The following C1orf141 variants were observed in gnomAD, a reference collection of about 807,000 sequenced individuals.
The protein encoded by C1orf141 is uncharacterized protein C1orf141.
C1orf141 carries 19 observed loss-of-function variants against 23.2 expected under a neutral mutation model. That is an observed-to-expected ratio of 0.82 (90% confidence interval 0.57 to 1.20). C1orf141 has a LOEUF of 1.20. C1orf141 is among the 50% of genes most tolerant of loss of function. The pLI is 0.00. For missense variants in C1orf141, 469 were observed against 455.1 expected (o/e 1.03, Z -0.28); for synonymous variants, 153 against 154.6 (o/e 0.99, Z 0.08).
At chr1:67,109,143 C>T (rs539926878) in intron 5 of C1orf141, among the ~76,000 whole-genome samples, 33 of 151,948 alleles carry the variant, frequency 2.2e-4, no homozygotes, top group African/African-American at 8.0e-4. Context: ...CTGGCTAACA[C>T]GGTGAAACCC....
At chr1:67,128,353 CTTTA>C (rs142954688) in intron 2 of C1orf141, among the ~76,000 whole-genome samples, 11,160 of 147,232 alleles carry the variant, frequency 0.076, 556 homozygotes, top group Non-Finnish European at 0.1. Context: ...CCAAAGCTCC[CTTTA>C]TTTATTTATT....
At chr1:67,136,213 A>G (rs1002253153), upstream of C1orf141, among the ~76,000 whole-genome samples, 1 of 151,814 alleles carries the variant, frequency 6.6e-6, no homozygotes, top group Non-Finnish European at 1.5e-5. Flanking sequence ...TTTTATTTTT[A>G]TTTTTTTGTA....
At chr1:67,125,648 A>G in intron 4 of C1orf141, 104 bp downstream of exon 4, 1 of 1,113,936 alleles carries the variant, frequency 9.0e-7, no homozygotes, top group Non-Finnish European at 1.4e-6. Flanking sequence ...GCAGTGAGCC[A>G]TGTTTGCACC....
At chr1:67,120,643 C>G (rs1646280035) in intron 4 of C1orf141, among the ~76,000 whole-genome samples, 1 of 152,138 alleles carries the variant, frequency 6.6e-6, no homozygotes, top group Non-Finnish European at 1.5e-5. Context: ...GTCTCTTTCT[C>G]TCTGCCATGT....
intron 5 of C1orf141, among the ~76,000 whole-genome samples, chr1:67,100,317 A>G (rs1645769438): frequency 6.6e-6 from 1 of 152,148 alleles, no homozygotes; most frequent in African/African-American, 2.4e-5. Context: ...CGTTGTATAT[A>G]TTCCTACACC....
chr1:67,125,167 C>T (rs569915378), intron 4 of C1orf141, among the ~76,000 whole-genome samples: 2 of 152,248 alleles, frequency 1.3e-5, no homozygotes, highest in East Asian at 3.9e-4. Flanking sequence ...GCAATAAATC[C>T]TGACATTAAT....
At chr1:67,111,670 C>G in intron 5 of C1orf141, 1 of 1,147,514 alleles carries the variant, frequency 8.7e-7, no homozygotes, top group Non-Finnish European at 1.2e-6. Context: ...TAAGTATTTC[C>G]ATGCTATTAA....
Position 67,103,318 on chromosome 1 carries a change from A to G in C1orf141, c.347-6997T>C, listed in dbSNP as rs201030402. On this transcript the variant is annotated intron_variant, in intron 5 of 7. Coordinates refer to ENST00000684719, the MANE Select transcript of C1orf141 (RefSeq NM_001276351.2). Reference sequence around the variant, plus strand: ...CATAGGAGAAAAGTCTGTAGAACCCAGTGATCTTCTACATGCTTGTCTATG... The same window carrying G: ...CATAGGAGAAAAGTCTGTAGAACCCGGTGATCTTCTACATGCTTGTCTATG... 195 of 1,491,674 alleles carry G rather than the reference A, an allele frequency of 1.3e-4. 2 individuals carry two copies. The highest frequency in any genetic ancestry group is 3.2e-4 in the Admixed American group (16 of 50,518). The allele number at this position is 1,491,674 out of a possible 1,614,324, so 92.4% of individuals were successfully genotyped here. A position where few individuals can be genotyped will look rare whatever the true frequency, so the allele number is the denominator to read the frequency against.
intron 5 of C1orf141, chr1:67,102,720 T>A (rs1645832758): frequency 6.6e-6 from 1 of 152,070 alleles, no homozygotes; most frequent in Admixed American, 6.6e-5. Context: ...TTTTCTTGCA[T>A]CTGTAGTGGA....
At chr1:67,120,756 A>G (rs1398080372) in intron 4 of C1orf141, among the ~76,000 whole-genome samples, 1 of 152,154 alleles carries the variant, frequency 6.6e-6, no homozygotes, top group African/African-American at 2.4e-5. Context: ...AAATAAATTT[A>G]TTTAAACCAC....
At chr1:67,098,577 A>G (rs1353122713) in intron 5 of C1orf141, among the ~76,000 whole-genome samples, 5 of 152,132 alleles carry the variant, frequency 3.3e-5, no homozygotes, top group Non-Finnish European at 7.4e-5. Flanking sequence ...GCAGCCAACA[A>G]AATCTACAAG....
chr1:67,102,184 A>T (rs1558187905), intron 5 of C1orf141, among the ~76,000 whole-genome samples: 1 of 152,170 alleles, frequency 6.6e-6, no homozygotes, highest in Non-Finnish European at 1.5e-5. Context: ...AATAGAGTAT[A>T]ACAGAATGTA....
chr1:67,112,220 T>TA (rs1646088454), intron 5 of C1orf141, among the ~76,000 whole-genome samples: 1 of 152,214 alleles, frequency 6.6e-6, no homozygotes. Flanking sequence ...CAATAGCACT[T>TA]ATAGAAATAC....
At chr1:67,114,438 GAAATA>G (rs1558196516) in intron 5 of C1orf141, among the ~76,000 whole-genome samples, 1 of 152,114 alleles carries the variant, frequency 6.6e-6, no homozygotes, top group African/African-American at 2.4e-5. Context: ...TGAATCATGA[GAAATA>G]AAATAACAAT....
chr1:67,126,190 C>T (rs1207484234), intron 3 of C1orf141, among the ~76,000 whole-genome samples: 1 of 151,932 alleles, frequency 6.6e-6, no homozygotes, highest in African/African-American at 2.4e-5. Context: ...TTCTAAAGTA[C>T]AGAATTTAAG....
chr1:67,109,615 A>G (rs74078989), intron 5 of C1orf141, among the ~76,000 whole-genome samples: 3,592 of 152,310 alleles, frequency 0.024, 136 homozygotes, highest in African/African-American at 0.081. Context: ...AATGAGCATG[A>G]ATCAAACTGC....
intron 7 of C1orf141, 85 bp from the exon 8 acceptor site, chr1:67,093,689 G>C: frequency 9.3e-7 from 1 of 1,074,622 alleles, no homozygotes; most frequent in East Asian, 2.6e-5. Context: ...AAATAAAATT[G>C]TAAAATATTC....
At chr1:67,135,409 A>T (rs1646576708), upstream of C1orf141, among the ~76,000 whole-genome samples, 1 of 152,242 alleles carries the variant, frequency 6.6e-6, no homozygotes. Flanking sequence ...CAGCAACAAC[A>T]AAAAACCATT....
chr1:67,100,627 C>T (rs1435968491), intron 5 of C1orf141, among the ~76,000 whole-genome samples: 1 of 152,126 alleles, frequency 6.6e-6, no homozygotes, highest in African/African-American at 2.4e-5. Flanking sequence ...TATGACCTCT[C>T]TTTGCTAAGG....
Sources: gnomAD v4.1 joint callset for allele counts (sites outside exome capture counted in the v4.1 genomes callset) on GRCh38, gnomAD v4.1.1 for gene constraint, MANE v1.5 for transcripts, NCBI Gene and HGNC (gene_info 2026-07-23, HGNC 2026-07-21) for gene names.